DPH6: variants seen among roughly 807,000 people sequenced by gnomAD.
DPH6 encodes diphthine--ammonia ligase.
In DPH6, 33 loss-of-function variants were observed where a neutral mutation model predicts 38.2. The ratio of observed to expected loss-of-function variants is 0.86; its 90% CI spans 0.65 to 1.15. DPH6 has a LOEUF of 1.15. DPH6 is among the 50% of genes most tolerant of loss of function. DPH6 has a pLI of 0.00. For synonymous variants in DPH6, 108 were observed against 103.0 expected, an observed-to-expected ratio of 1.05 and a Z score of -0.30; for missense variants, 325 against 320.0, an observed-to-expected ratio of 1.02 and a Z score of -0.12.
At chr15:35,482,107 G>A (rs970498916) in intron 3 of DPH6, among the ~76,000 whole-genome samples, 3 of 152,162 alleles carry the variant, frequency 2.0e-5, no homozygotes, top group Non-Finnish European at 4.4e-5. Context: ...GCCAGAGAGG[G>A]TTGACTAGAT....
chr15:35,539,795 G>C (rs537091491), intron 2 of DPH6, among the ~76,000 whole-genome samples: 1 of 152,080 alleles, frequency 6.6e-6, no homozygotes, highest in Non-Finnish European at 1.5e-5. Flanking sequence ...GATAGTGCAA[G>C]GGCCCCTTCA....
intron 3 of DPH6, among the ~76,000 whole-genome samples, chr15:35,525,987 C>T (rs891212517): frequency 2.0e-5 from 3 of 152,098 alleles, no homozygotes; most frequent in African/African-American, 7.2e-5. Flanking sequence ...TAGTCTGATC[C>T]TTATTATAAT....
chr15:35,450,787 G>C lies in DPH6; in HGVS notation c.403C>G (p.Leu135Val). 1 of 1,608,284 alleles carries C rather than the reference G, an allele frequency of 6.2e-7. No individual in the cohort carries two copies. Among genetic ancestry groups the C allele is most frequent in the Non-Finnish European group, 8.5e-7 (1 of 1,177,804 alleles). The change falls in exon 5 of 9, where the codon CTC (leucine) becomes GTC (valine). Residue 135 changes from leucine (L) to valine (V), a missense_variant. Transcript: ENST00000256538. The part of the protein sequence containing the change: ...RVENVCKRLN[L>V]QPLAYLWQRN... ...TGCCAAAGATAAGCTAAAGGCTGGAGATTAAGCCTTTTACACCTACAAAAG... is the reference window on the plus strand; with the variant it reads ...TGCCAAAGATAAGCTAAAGGCTGGACATTAAGCCTTTTACACCTACAAAAG...
chr15:35,334,571 A>G (rs555660990), intron 3 of DPH6, among the ~76,000 whole-genome samples: 9 of 152,124 alleles, frequency 5.9e-5, no homozygotes, highest in Admixed American at 6.6e-5. Context: ...CATGCCCCCA[A>G]TAGGCCCCTG....
intron 3 of DPH6, among the ~76,000 whole-genome samples, chr15:35,477,373 T>C (rs2054275412): frequency 6.6e-6 from 1 of 151,778 alleles, no homozygotes. Flanking sequence ...CACGAAATAT[T>C]TTTTGAAGTA....
chr15:35,457,649 CTGTGATTTTG>C (rs1485425571), intron 3 of DPH6, among the ~76,000 whole-genome samples: 1 of 152,162 alleles, frequency 6.6e-6, no homozygotes, highest in African/African-American at 2.4e-5. Context: ...GTTACTAGCT[CTGTGATTTTG>C]AATGTTACTG....
intron 3 of DPH6, among the ~76,000 whole-genome samples, chr15:35,300,392 G>C (rs1420397103): frequency 2.0e-5 from 3 of 152,188 alleles, no homozygotes; most frequent in Non-Finnish European, 4.4e-5. Flanking sequence ...GGCAGAGCAG[G>C]TAACATGGCA....
Position 35,498,361 on chromosome 15 carries a change from C to T in DPH6, c.312+39913G>A, listed in dbSNP as rs114969733. ...CTCCCCTATCTCTCCTTCACTGTTT[C>T]CTCCTTACTGTCAGTTTTAAAAATT... On this transcript the variant is annotated intron_variant, in intron 3 of 8. Coordinates refer to ENST00000256538, the MANE Select transcript of DPH6 (RefSeq NM_080650.4). Among the ~76,000 whole-genome samples, 958 of 152,238 alleles carry T rather than the reference C, an allele frequency of 6.3e-3. 17 individuals carry two copies. Among genetic ancestry groups the T allele is most frequent in the African/African-American group, 0.022 (913 of 41,564 alleles).
intron 1 of DPH6, among the ~76,000 whole-genome samples, 190 bp downstream of exon 1, chr15:35,545,929 G>A (rs1323442476): frequency 6.6e-6 from 1 of 152,180 alleles, no homozygotes; most frequent in Admixed American, 6.5e-5. Context: ...GAGGAGGCGC[G>A]CCAGCCAGGG....
At chr15:35,500,421 G>C (rs1290627697) in intron 3 of DPH6, among the ~76,000 whole-genome samples, 1 of 152,136 alleles carries the variant, frequency 6.6e-6, no homozygotes, top group East Asian at 1.9e-4. Flanking sequence ...CCTTTTCTCA[G>C]AACTGCATCT....
intron 3 of DPH6, among the ~76,000 whole-genome samples, chr15:35,457,216 A>G (rs925941946): frequency 2.0e-5 from 3 of 151,966 alleles, no homozygotes; most frequent in Non-Finnish European, 2.9e-5. Flanking sequence ...TGGCCTCCCA[A>G]AGTGCTGGGA....
At chr15:35,215,348 T>C (rs895380366), downstream of DPH6, among the ~76,000 whole-genome samples, 13 of 152,164 alleles carry the variant, frequency 8.5e-5, no homozygotes, top group Admixed American at 8.5e-4. Context: ...AGATTTAACA[T>C]AGAATAAGGA....
chr15:35,177,580 C>CAAAA, the DPH6 span, among the ~76,000 whole-genome samples: 577 of 60,220 alleles, frequency 9.6e-3, 23 homozygotes, highest in African/African-American at 0.037. Context: ...ATCCCATCTC[C>CAAAA]AAAAAAAAAA....
chr15:35,512,816 T>C (rs917890676), intron 3 of DPH6, among the ~76,000 whole-genome samples: 2 of 152,186 alleles, frequency 1.3e-5, no homozygotes, highest in Non-Finnish European at 2.9e-5. Context: ...TATGTTTCAA[T>C]GGCCTTAAAA....
chr15:35,531,508 G>A (rs548594977), intron 3 of DPH6, among the ~76,000 whole-genome samples: 1 of 152,272 alleles, frequency 6.6e-6, no homozygotes, highest in South Asian at 2.1e-4. Context: ...GTCTCACTCT[G>A]TCGCCCAGGC....
rs374761276 is a variant in DPH6, at chr15:35,415,652, A to T, written c.506-4756T>A. On this transcript the variant is annotated intron_variant, in intron 5 of 8. Coordinates refer to ENST00000256538, the MANE Select transcript of DPH6 (RefSeq NM_080650.4). ...CACACTGGGCACACTTTCCACATGA[A>T]CCTGTGATCTTCACACAGGTATACC... 8.6e-5 allele frequency among the ~76,000 whole-genome samples: 13 copies of T among 152,002 alleles called. No individual in the cohort carries two copies. In the East Asian group the frequency reaches 1.9e-3, roughly 23 times the overall value.
intron 3 of DPH6, among the ~76,000 whole-genome samples, chr15:35,306,053 T>A (rs1387371216): frequency 6.6e-6 from 1 of 152,192 alleles, no homozygotes; most frequent in Non-Finnish European, 1.5e-5. Flanking sequence ...GCAGCCAGGA[T>A]ATCCTCTTCA....
intron 3 of DPH6, among the ~76,000 whole-genome samples, chr15:35,294,551 T>G (rs1042167820): frequency 6.6e-6 from 1 of 151,124 alleles, no homozygotes; most frequent in African/African-American, 2.4e-5. Flanking sequence ...TTTAGTCTCC[T>G]TTGCCGTTTT....
At chr15:35,344,635 T>C (rs187827582) in intron 3 of DPH6, among the ~76,000 whole-genome samples, 1 of 151,920 alleles carries the variant, frequency 6.6e-6, no homozygotes, top group East Asian at 1.9e-4. Flanking sequence ...GCATATGATA[T>C]AATACATTGT....
Sources: allele counts gnomAD v4.1 joint callset (sites outside exome capture counted in the v4.1 genomes callset), GRCh38; gene constraint gnomAD v4.1.1; transcripts MANE v1.5; gene names NCBI Gene and HGNC (gene_info 2026-07-23, HGNC 2026-07-21).